The following LRRTM4 variants were observed in gnomAD, a reference collection of about 807,000 sequenced individuals.
The protein encoded by LRRTM4 is leucine-rich repeat transmembrane neuronal protein 4.
LRRTM4 carries 25 observed loss-of-function variants against 47.6 expected under a neutral mutation model. The observed-to-expected ratio is 0.53, with a 90% CI of 0.38 to 0.73. LRRTM4 has a LOEUF of 0.73. LRRTM4 is among the 30% of genes least tolerant of loss of function. The probability of loss-of-function intolerance (pLI) is 0.00; values close to 1 mark genes in which losing one functional copy is unlikely to be tolerated. For synonymous variants in LRRTM4, 311 were observed against 269.5 expected (o/e 1.15, Z -1.51); for missense variants, 638 against 713.4 (o/e 0.89, Z 1.20).
chr2:76,956,380 T>C (rs915415073), intron 3 of LRRTM4, among the ~76,000 whole-genome samples: 7 of 151,440 alleles, frequency 4.6e-5, no homozygotes, highest in African/African-American at 1.7e-4. Context: ...GAACAATTTG[T>C]CCAAAGGGAA....
At chr2:77,345,057 T>C (rs1007112209) in intron 3 of LRRTM4, among the ~76,000 whole-genome samples, 1 of 150,944 alleles carries the variant, frequency 6.6e-6, no homozygotes, top group Non-Finnish European at 1.5e-5. Context: ...ATTATACAAA[T>C]ACCTAAAATA....
chr2:76,899,352 C>T (rs201972980), intron 3 of LRRTM4, among the ~76,000 whole-genome samples: 14,916 of 95,656 alleles, frequency 0.16, 1,173 homozygotes, highest in East Asian at 0.5. Context: ...CACACACACA[C>T]ATATATATAT....
chr2:77,432,607 A>C (rs1675426861), intron 3 of LRRTM4, among the ~76,000 whole-genome samples: 1 of 152,274 alleles, frequency 6.6e-6, no homozygotes, highest in Non-Finnish European at 1.5e-5. Flanking sequence ...TTACACAGAT[A>C]AAGAGACAGA....
intron 3 of LRRTM4, among the ~76,000 whole-genome samples, chr2:77,262,370 C>T (rs1011504368): frequency 2.6e-5 from 4 of 152,046 alleles, no homozygotes; most frequent in Non-Finnish European, 4.4e-5. Context: ...GGGATCACTG[C>T]TAGACACCCC....
intron 3 of LRRTM4, among the ~76,000 whole-genome samples, chr2:77,268,942 C>G (rs896435219): frequency 1.3e-5 from 2 of 152,144 alleles, no homozygotes; most frequent in African/African-American, 4.8e-5. Flanking sequence ...ATAAGCTCCA[C>G]GGCAGGGCCC....
At chr2:76,893,403 CTGA>C (rs1673314820) in intron 3 of LRRTM4, among the ~76,000 whole-genome samples, 1 of 151,572 alleles carries the variant, frequency 6.6e-6, no homozygotes, top group African/African-American at 2.4e-5. Context: ...CTGATAACTT[CTGA>C]TAACATTAAT....
chr2:77,266,027 G>T (rs1382759870), intron 3 of LRRTM4, among the ~76,000 whole-genome samples: 2 of 152,162 alleles, frequency 1.3e-5, no homozygotes, highest in African/African-American at 2.4e-5. Context: ...AATTTGGTCT[G>T]CCACCTGATT....
intron 3 of LRRTM4, among the ~76,000 whole-genome samples, chr2:77,064,406 A>C (rs1573519729): frequency 1.3e-5 from 2 of 152,316 alleles, no homozygotes; most frequent in Middle Eastern, 6.8e-3. Context: ...GAAGCTAAGA[A>C]ATGGTATCTT....
At chr2:77,106,175 A>G (rs982847481) in intron 3 of LRRTM4, among the ~76,000 whole-genome samples, 1 of 152,160 alleles carries the variant, frequency 6.6e-6, no homozygotes, top group South Asian at 2.1e-4. Context: ...CAAATTTTGC[A>G]AGTTTTCTTA....
intron 3 of LRRTM4, among the ~76,000 whole-genome samples, chr2:76,922,719 C>T (rs1049977429): frequency 6.6e-6 from 1 of 152,072 alleles, no homozygotes; most frequent in East Asian, 1.9e-4. Context: ...GGTGCTACAA[C>T]TAATAATAAG....
intron 3 of LRRTM4, among the ~76,000 whole-genome samples, chr2:77,093,870 C>T (rs985203722): frequency 4.6e-5 from 7 of 151,758 alleles, no homozygotes; most frequent in Non-Finnish European, 7.3e-5. Flanking sequence ...AGTCCTTTTC[C>T]TGGCTCATCC....
intron 3 of LRRTM4, among the ~76,000 whole-genome samples, chr2:76,816,846 TTTTTTTTTTTTTTTTTG>T (rs1558673790): frequency 9.8e-5 from 13 of 132,078 alleles, no homozygotes; most frequent in South Asian, 2.4e-4. Context: ...TTTTTTTTTT[TTTTTTTTTTTTTTTTTG>T]GTGCTTAAGA....
intron 3 of LRRTM4, among the ~76,000 whole-genome samples, chr2:77,299,475 GATAATTAATTCAACATTAAA>G (rs1370188476): frequency 6.6e-6 from 1 of 151,920 alleles, no homozygotes; most frequent in African/African-American, 2.4e-5. Flanking sequence ...AGTGGTAAAG[GATAATTAATTCAACATTAAA>G]ATAATTCCCA....
intron 3 of LRRTM4, among the ~76,000 whole-genome samples, chr2:76,974,063 GGTTTTACCATCC>G (rs888200054): frequency 6.0e-5 from 9 of 150,570 alleles, no homozygotes; most frequent in Non-Finnish European, 1.3e-4. Flanking sequence ...CTTAGAGAAA[GGTTTTACCATCC>G]GTTTAAAAAA....
intron 3 of LRRTM4, among the ~76,000 whole-genome samples, chr2:77,116,174 A>G (rs886319178): frequency 6.6e-6 from 1 of 152,048 alleles, no homozygotes; most frequent in African/African-American, 2.4e-5. Context: ...TTAAGTAGGG[A>G]TTATTTCTCT....
chr2:77,085,378 CTTTT>C (rs11393823), intron 3 of LRRTM4, among the ~76,000 whole-genome samples: 1 of 139,730 alleles, frequency 7.2e-6, no homozygotes. Context: ...CAATCCCTCA[CTTTT>C]TTTTTTTTTT....
intron 3 of LRRTM4, among the ~76,000 whole-genome samples, chr2:77,032,963 G>A (rs966604389): frequency 1.1e-4 from 16 of 151,950 alleles, no homozygotes; most frequent in African/African-American, 2.9e-4. Context: ...TGATCTACCC[G>A]TGACACATTT....
At chr2:77,152,070 T>C (rs1439723) in intron 3 of LRRTM4, among the ~76,000 whole-genome samples, 13,129 of 152,208 alleles carry the variant, frequency 0.086, 1,900 homozygotes, top group African/African-American at 0.3. Flanking sequence ...TTTCTCTGAT[T>C]AATTTTTTAA....
intron 3 of LRRTM4, among the ~76,000 whole-genome samples, chr2:76,896,033 A>G (rs10198513): frequency 2.6e-5 from 4 of 152,114 alleles, no homozygotes; most frequent in Admixed American, 2.6e-4. Flanking sequence ...TGTGCCAAGT[A>G]AAGTCTATGT....
Sources: gnomAD v4.1 joint callset for allele counts (sites outside exome capture counted in the v4.1 genomes callset) on GRCh38, gnomAD v4.1.1 for gene constraint, MANE v1.5 for transcripts, NCBI Gene and HGNC (gene_info 2026-07-23, HGNC 2026-07-21) for gene names.